The following ZNF236 variants were observed in gnomAD, a reference collection of about 807,000 sequenced individuals.
ZNF236 encodes zinc finger protein 236.
ZNF236 carries 50 observed loss-of-function variants against 191.2 expected under a neutral mutation model. The observed-to-expected ratio is 0.26, with a 90% CI of 0.21 to 0.33. The LOEUF is 0.33. Ranked by LOEUF, ZNF236 falls within the 10% of genes least tolerant of loss-of-function variation. The pLI is 1.00. For synonymous variants in ZNF236, 907 were observed against 928.8 expected (o/e 0.98, Z 0.43); for missense variants, 1,754 against 2,374.5 (o/e 0.74, Z 5.43).
rs1294028184 is a variant in ZNF236 at position 76,969,006 on chromosome 18, A to G, written c.*667A>G. 5 of 984,886 alleles carry G rather than the reference A, an allele frequency of 5.1e-6. No homozygotes were observed. The allele number at this position is 984,886 out of a possible 1,614,324, so 61.0% of individuals were successfully genotyped here. On this transcript the variant is annotated 3_prime_UTR_variant, in exon 31 of 31. Transcript: ENST00000320610. ...ATGGGGACTCGAGTAAACCTGACCC[A>G]CCAATAAGGATTCAGCTGTCCACAC... is the stretch of plus-strand genomic sequence containing the variant.
chr18:76,908,527 A>T lies in ZNF236; in HGVS notation c.2505A>T (p.Ala835=). Residue 835 remains alanine, a synonymous_variant, in exon 14 of 31, where the codon GCA becomes GCT. Transcript: ENST00000320610. ...EPQHVVGTEE[A]GLGQQLADQP... ...AGCATGTGGTGGGCACGGAGGAAGC[A>T]GGGCTGGGCCAGCAGTTGGCAGATC... 6.2e-7 allele frequency: 1 copy of T among 1,613,298 alleles called. No homozygotes were observed. The highest frequency in any genetic ancestry group is 8.5e-7 in the Non-Finnish European group (1 of 1,179,812).
At chr18:76,852,929 A>G (rs999630202) in intron 3 of ZNF236, among the ~76,000 whole-genome samples, 1 of 152,212 alleles carries the variant, frequency 6.6e-6, no homozygotes, top group African/African-American at 2.4e-5. Context: ...TGTTAGGCAG[A>G]GGCAATGAAC....
chr18:76,925,263 C>T lies in ZNF236; in HGVS notation c.3736C>T (p.Leu1246=). 1 of 1,614,230 alleles carries T rather than the reference C, an allele frequency of 6.2e-7. No homozygotes were observed. Residue 1246 remains leucine, a synonymous_variant, in exon 22 of 31, where the codon CTG becomes TTG. Coordinates refer to ENST00000320610, the MANE Select transcript of ZNF236 (RefSeq NM_001306089.2). The surrounding 1 kb of genome is among the most constrained non-coding windows in gnomAD (Gnocchi z 5.7). ...GGGAAGTCTGAAGGTCCACATGCGCCTGCACACGGGAGCCAAGCCCTTCAA... is the reference window on the plus strand; with the variant it reads ...GGGAAGTCTGAAGGTCCACATGCGCTTGCACACGGGAGCCAAGCCCTTCAA... ...TKGSLKVHMR[L]HTGAKPFKCP... is the part of the protein sequence containing the mutation.
intron 30 of ZNF236, among the ~76,000 whole-genome samples, chr18:76,965,241 G>GT (rs1968744456): frequency 6.6e-6 from 1 of 152,160 alleles, no homozygotes; most frequent in Admixed American, 6.5e-5. Context: ...AGTTTTCCTT[G>GT]TTTTTTATTT....
At chr18:76,955,699 G>A (rs994276688) in intron 27 of ZNF236, among the ~76,000 whole-genome samples, 6 of 152,136 alleles carry the variant, frequency 3.9e-5, no homozygotes, top group Non-Finnish European at 7.4e-5. Context: ...AGAGTAGCCC[G>A]GATAGTCACA....
At chr18:76,865,633 G>A (rs568530877) in intron 3 of ZNF236, among the ~76,000 whole-genome samples, 1 of 152,310 alleles carries the variant, frequency 6.6e-6, no homozygotes, top group African/African-American at 2.4e-5. Context: ...GAAAGTCAGT[G>A]AAGCACCCAG....
In ZNF236 at chr18:76,904,501, C is replaced by T. The variant is rs1289746176; in HGVS notation, c.2016C>T (p.Cys672=). Residue 672 remains cysteine, a synonymous_variant, in exon 12 of 31, where the codon TGC becomes TGT. Transcript: ENST00000320610. ...FYCHRAYKKS[C]HLKQHIRSHT... is the part of the protein sequence containing the mutation. Reference sequence around the variant, plus strand: ...GTCATCGTGCATATAAAAAATCTTGCCACCTTAAACAACACATCAGGTAAG... The same window carrying T: ...GTCATCGTGCATATAAAAAATCTTGTCACCTTAAACAACACATCAGGTAAG... 1.2e-6 allele frequency: 2 copies of T among 1,602,802 alleles called. No homozygotes were observed.
At chr18:76,967,487 G>C in intron 30 of ZNF236, among the ~76,000 whole-genome samples, 1 of 148,378 alleles carries the variant, frequency 6.7e-6, no homozygotes, top group Non-Finnish European at 1.5e-5. Flanking sequence ...TAGGGGTGGT[G>C]ATGTGATCTG....
intron 26 of ZNF236, among the ~76,000 whole-genome samples, chr18:76,939,652 G>T (rs1003411208): frequency 1.3e-5 from 2 of 152,150 alleles, no homozygotes; most frequent in Non-Finnish European, 2.9e-5. Context: ...CTGCTAAGAT[G>T]TTGTTTTTAT....
chr18:76,948,778 G>A (rs1228643958), intron 27 of ZNF236, among the ~76,000 whole-genome samples: 1 of 152,168 alleles, frequency 6.6e-6, no homozygotes, highest in Non-Finnish European at 1.5e-5. Context: ...TGGAATGCCC[G>A]CGTGGTTGGG....
Position 76,875,637 on chromosome 18 carries a change from G to A in ZNF236, c.813G>A (p.Gln271=). Residue 271 remains glutamine, a synonymous_variant, in exon 6 of 31, where the codon CAG becomes CAA. Coordinates refer to ENST00000320610, the MANE Select transcript of ZNF236 (RefSeq NM_001306089.2). This position sits in a 1 kb window ranked among gnomAD's most constrained non-coding sequence, Gnocchi z 4.3. The part of the protein sequence containing the change: ...PAAFSQKGNL[Q]SHVQRVHSEV... ...CCTTCTCTCAGAAAGGGAATCTTCAGTCGCACGTGCAGCGAGTCCACTCAG... is the reference window on the plus strand; with the variant it reads ...CCTTCTCTCAGAAAGGGAATCTTCAATCGCACGTGCAGCGAGTCCACTCAG... 5.6e-6 allele frequency: 9 copies of A among 1,598,262 alleles called. No individual in the cohort carries two copies. Among genetic ancestry groups the A allele is most frequent in the Non-Finnish European group, 6.8e-6 (8 of 1,171,394 alleles).
chr18:76,848,698 C>T (rs1975773419), intron 1 of ZNF236, among the ~76,000 whole-genome samples: 1 of 152,182 alleles, frequency 6.6e-6, no homozygotes, highest in Admixed American at 6.5e-5. Context: ...CAGGGTCTTG[C>T]TCTGTGGCCC....
rs780236934 is a variant in ZNF236 at position 76,839,100 on chromosome 18, C to T, written c.56-10426C>T. On this transcript the variant is annotated intron_variant, in intron 1 of 30. Coordinates refer to ENST00000320610, the MANE Select transcript of ZNF236 (RefSeq NM_001306089.2). ...GTTTGATAGTATTCCATCATAAAAT[C>T]TCCTCCAACATATTTGCCCCTTCTG... Among the ~76,000 whole-genome samples the T allele has an allele frequency of 2.0e-5, 3 of 152,212 alleles. No homozygotes were observed. In the South Asian group the frequency reaches 6.2e-4, roughly 31 times the overall value.
At chr18:76,825,690 A>T (rs1299433486) in intron 1 of ZNF236, among the ~76,000 whole-genome samples, 2 of 152,280 alleles carry the variant, frequency 1.3e-5, no homozygotes, top group African/African-American at 4.8e-5. Flanking sequence ...TAAATATTTT[A>T]AAAATTGCTT....
At chr18:76,839,980 TC>T (rs1975431798) in intron 1 of ZNF236, among the ~76,000 whole-genome samples, 1 of 152,216 alleles carries the variant, frequency 6.6e-6, no homozygotes, top group Admixed American at 6.5e-5. Flanking sequence ...TACTTTCAGA[TC>T]CTGAGCCTAG....
At chr18:76,892,745 TTA>T (rs1410975706) in intron 9 of ZNF236, among the ~76,000 whole-genome samples, 1 of 152,156 alleles carries the variant, frequency 6.6e-6, no homozygotes, top group African/African-American at 2.4e-5. Context: ...TTTTGTATTT[TTA>T]GTAGAGACGG....
chr18:76,897,211 CAT>C (rs757834579), intron 10 of ZNF236, among the ~76,000 whole-genome samples: 61 of 151,820 alleles, frequency 4.0e-4, no homozygotes, highest in Non-Finnish European at 6.6e-4. Flanking sequence ...AAGTACCAAA[CAT>C]AGTACTGCAC....
intron 25 of ZNF236, chr18:76,936,464 T>A (rs1243931410): frequency 6.6e-6 from 3 of 453,412 alleles, no homozygotes; most frequent in Non-Finnish European, 1.3e-5. Flanking sequence ...CTTCACCAGA[T>A]ACTTTCGTTT....
Position 76,880,220 on chromosome 18 carries a change from G to A in ZNF236, c.1092G>A (p.Leu364=), listed in dbSNP as rs1976848622. The A allele has an allele frequency of 1.9e-6, 3 of 1,614,140 alleles. No homozygotes were observed. The highest frequency in any genetic ancestry group is 2.2e-5 in the South Asian group (2 of 91,074). ...TGAGCGACGTCATCCAGCAGCTCCT[G>A]GAGCTCTCAGAGCCGGCGCCGGTGG... ...QAVSDVIQQL[L]ELSEPAPVES... The change falls in exon 8 of 31, where the codon CTG becomes CTA. Residue 364 remains leucine (L), a synonymous_variant. Transcript: ENST00000320610. The surrounding 1 kb of genome is among the most constrained non-coding windows in gnomAD (Gnocchi z 5.0).
Sources: gnomAD v4.1 joint callset for allele counts (sites outside exome capture counted in the v4.1 genomes callset) on GRCh38, gnomAD v4.1.1 for gene constraint, Gnocchi (gnomAD v3.1) non-coding constraint, MANE v1.5 for transcripts, NCBI Gene and HGNC (gene_info 2026-07-23, HGNC 2026-07-21) for gene names.